The following DAP variants were observed in gnomAD, a reference collection of about 807,000 sequenced individuals.
DAP encodes the protein death-associated protein 1.
Under a neutral mutation model 13.8 loss-of-function variants are expected in DAP, and 8 were observed. The ratio of observed to expected loss-of-function variants is 0.58; its 90% CI spans 0.34 to 1.05. DAP has a LOEUF of 1.05. Among genes scored for constraint, DAP ranks in the 50% least tolerant of loss-of-function variants. The pLI is 0.03. For synonymous variants in DAP, 47 were observed against 47.5 expected, an observed-to-expected ratio of 0.99 and a Z score of 0.04; for missense variants, 106 against 133.2, an observed-to-expected ratio of 0.80 and a Z score of 1.01.
intron 2 of DAP, among the ~76,000 whole-genome samples, chr5:10,694,387 TACACACAC>T (rs3836779): frequency 1.0e-4 from 15 of 149,166 alleles, no homozygotes; most frequent in Non-Finnish European, 1.6e-4. Flanking sequence ...TATATGTGCA[TACACACAC>T]ACACACACAC....
intron 2 of DAP, among the ~76,000 whole-genome samples, chr5:10,687,233 ATGT>A (rs1315801046): frequency 2.6e-5 from 4 of 152,256 alleles, no homozygotes; most frequent in Non-Finnish European, 5.9e-5. Flanking sequence ...AAGGAGATTA[ATGT>A]TGTTTTCATG....
intron 1 of DAP, among the ~76,000 whole-genome samples, chr5:10,758,412 TGCTGTTGGC>T (rs1740250285): frequency 2.2e-5 from 2 of 90,430 alleles, no homozygotes; most frequent in East Asian, 6.7e-4. Context: ...ATTTGAGGGG[TGCTGTTGGC>T]ATTTGAGGGA....
chr5:10,724,885 C>A (rs1232901583), intron 2 of DAP, among the ~76,000 whole-genome samples: 1 of 151,918 alleles, frequency 6.6e-6, no homozygotes, highest in Non-Finnish European at 1.5e-5. Flanking sequence ...ACCCAACAGC[C>A]GCCAGGGGGT....
At chr5:10,750,380 C>T (rs971153841) in intron 1 of DAP, among the ~76,000 whole-genome samples, 3 of 152,124 alleles carry the variant, frequency 2.0e-5, no homozygotes, top group Admixed American at 2.0e-4. Flanking sequence ...ACCAGCACTG[C>T]CCCAGCAGCT....
chr5:10,742,939 A>G (rs1739796411), intron 2 of DAP, among the ~76,000 whole-genome samples: 1 of 152,150 alleles, frequency 6.6e-6, no homozygotes, highest in African/African-American at 2.4e-5. Context: ...CCATCCATCC[A>G]TCCATCCATC....
intron 2 of DAP, among the ~76,000 whole-genome samples, chr5:10,708,762 T>C (rs1320479560): frequency 1.3e-5 from 2 of 152,204 alleles, no homozygotes; most frequent in Non-Finnish European, 2.9e-5. Context: ...GGAATGCGTT[T>C]GGGGTCAACA....
At position 10,707,008 on chromosome 5, in the gene DAP, A is replaced by T. The variant is rs1449783140; in HGVS notation, c.153-23437T>A. On this transcript the variant is annotated intron_variant, in intron 2 of 3. Coordinates refer to ENST00000230895, the MANE Select transcript of DAP (RefSeq NM_004394.3). The surrounding 1 kb of genome is among the most constrained non-coding windows in gnomAD (Gnocchi z 4.0). ...CACAACTATAAGAGGGAAGGATGGCAGGCTAAGTTCAAAACCCACATGGAG... is the reference window on the plus strand; with the variant it reads ...CACAACTATAAGAGGGAAGGATGGCTGGCTAAGTTCAAAACCCACATGGAG... Among the ~76,000 whole-genome samples the T allele has an allele frequency of 6.6e-6, 1 of 152,198 alleles. No individual in the cohort carries two copies. The highest frequency in any genetic ancestry group is 2.4e-5 in the African/African-American group (1 of 41,454).
chr5:10,679,839 G>A lies in DAP; in HGVS notation c.*1217C>T, dbSNP rs1016577236. On this transcript the variant is annotated 3_prime_UTR_variant, in exon 4 of 4. Coordinates refer to ENST00000230895, the MANE Select transcript of DAP (RefSeq NM_004394.3). ...AGGCTGGTGGTTGGCAGCTGCTCAC[G>A]ACACAGTTGCTGACCTGCAGCAGAT... The A allele has an allele frequency of 1.3e-5, 2 of 152,512 alleles. No individual in the cohort carries two copies. Among genetic ancestry groups the A allele is most frequent in the African/African-American group, 2.4e-5 (1 of 41,594 alleles). 9.4% of individuals were successfully genotyped at this position (152,512 alleles called of 1,614,324 possible).
At chr5:10,687,668 T>C (rs1738189037) in intron 2 of DAP, among the ~76,000 whole-genome samples, 1 of 151,466 alleles carries the variant, frequency 6.6e-6, no homozygotes. Context: ...TTTCTTGAGC[T>C]GGAATCTACA....
intron 1 of DAP, among the ~76,000 whole-genome samples, chr5:10,758,491 A>G (rs1740254206): frequency 6.6e-6 from 1 of 151,856 alleles, no homozygotes; most frequent in Non-Finnish European, 1.5e-5. Context: ...GGTCTTGGAG[A>G]CAGATGACAG....
intron 2 of DAP, among the ~76,000 whole-genome samples, chr5:10,747,913 G>A (rs1287266544): frequency 5.6e-4 from 2 of 3,602 alleles, no homozygotes; most frequent in Non-Finnish European, 9.9e-4. Flanking sequence ...GCAGACAGAC[G>A]GGGCACCAGC....
chr5:10,710,437 C>G (rs5745242), intron 2 of DAP, among the ~76,000 whole-genome samples: 1 of 152,206 alleles, frequency 6.6e-6, no homozygotes, highest in Non-Finnish European at 1.5e-5. Context: ...TCCTGGGAAA[C>G]GTGTCCACAG....
intron 2 of DAP, among the ~76,000 whole-genome samples, chr5:10,736,170 AGAGG>A (rs1393625509): frequency 6.6e-6 from 1 of 152,176 alleles, no homozygotes; most frequent in Non-Finnish European, 1.5e-5. Context: ...CAGCGCCTGC[AGAGG>A]GAGTGTGGTC....
intron 3 of DAP, among the ~76,000 whole-genome samples, chr5:10,682,008 C>T (rs1289909443): frequency 6.6e-6 from 1 of 150,650 alleles, no homozygotes; most frequent in Non-Finnish European, 1.5e-5. Flanking sequence ...AACTACAGGC[C>T]AGCAGCCACC....
intron 2 of DAP, among the ~76,000 whole-genome samples, chr5:10,739,375 A>G (rs1387872357): frequency 1.3e-5 from 2 of 152,186 alleles, no homozygotes; most frequent in African/African-American, 4.8e-5. Context: ...AAGTTTTAAA[A>G]AATCACCACA....
intron 2 of DAP, among the ~76,000 whole-genome samples, chr5:10,743,803 A>G: frequency 6.6e-6 from 1 of 152,226 alleles, no homozygotes; most frequent in Non-Finnish European, 1.5e-5. Context: ...GCTAATAATA[A>G]TGAAGACTAT....
intron 1 of DAP, among the ~76,000 whole-genome samples, chr5:10,751,371 A>G (rs1288241638): frequency 1.3e-5 from 2 of 152,206 alleles, no homozygotes; most frequent in East Asian, 3.9e-4. Context: ...AGAAATGGAG[A>G]CTGAAAATAC....
chr5:10,749,818 T>C (rs999717450), intron 1 of DAP, among the ~76,000 whole-genome samples: 13 of 151,176 alleles, frequency 8.6e-5, no homozygotes, highest in Non-Finnish European at 1.9e-4. Flanking sequence ...TGAACAGAAT[T>C]TGGAAATGCT....
intron 2 of DAP, among the ~76,000 whole-genome samples, chr5:10,744,973 T>C (rs560893164): frequency 6.6e-6 from 1 of 152,180 alleles, no homozygotes; most frequent in Non-Finnish European, 1.5e-5. Flanking sequence ...ATGGGAGTAA[T>C]AGCCAATAAT....
Sources: allele counts gnomAD v4.1 joint callset (sites outside exome capture counted in the v4.1 genomes callset), GRCh38; gene constraint gnomAD v4.1.1; non-coding constraint Gnocchi (gnomAD v3.1); transcripts MANE v1.5; gene names NCBI Gene and HGNC (gene_info 2026-07-23, HGNC 2026-07-21).